TMEM254: variants seen among roughly 807,000 people sequenced by gnomAD.
TMEM254 encodes transmembrane protein 254.
In TMEM254, 16 loss-of-function variants were observed where a neutral mutation model predicts 13.9. The observed-to-expected ratio is 1.15, with a 90% CI of 0.78 to 1.75. The LOEUF (loss-of-function observed/expected upper bound fraction) is 1.75. Among genes scored for constraint, TMEM254 ranks in the 40% most tolerant of loss-of-function variants. The pLI, the probability that TMEM254 is intolerant of heterozygous loss-of-function variation, is 0.00. For synonymous variants in TMEM254, 61 were observed against 56.4 expected (o/e 1.08, Z -0.36); for missense variants, 155 against 149.0 (o/e 1.04, Z -0.21).
chr10:80,088,431 A>ACG (rs1040802879), intron 3 of TMEM254, among the ~76,000 whole-genome samples: 4 of 147,230 alleles, frequency 2.7e-5, no homozygotes, highest in African/African-American at 1.0e-4. Flanking sequence ...TATTTCCATT[A>ACG]TGTTTTTTTT....
At chr10:80,086,497 A>G in intron 3 of TMEM254, 1 of 291,482 alleles carries the variant, frequency 3.4e-6, no homozygotes, top group Non-Finnish European at 6.6e-6. Context: ...TTTCAAAACA[A>G]ACATGTTTGT....
At position 80,091,998 on chromosome 10, in the gene TMEM254, T is replaced by C. The variant is rs1194423722; in HGVS notation, c.*1081T>C. ...TATTCAAAACACAAGCATTTCTGTT[T>C]AGAGATTCTAGCCCATGGGTTATCT... On this transcript the variant is annotated 3_prime_UTR_variant, in exon 4 of 4. Coordinates refer to ENST00000372281, the MANE Select transcript of TMEM254 (RefSeq NM_025125.4). 6.6e-6 allele frequency: 1 copy of C among 152,222 alleles called. No individual in the cohort carries two copies. Among genetic ancestry groups the C allele is most frequent in the African/African-American group, 2.4e-5 (1 of 41,456 alleles). 9.4% of individuals were successfully genotyped at this position (152,222 alleles called of 1,614,324 possible).
In TMEM254 at chr10:80,081,964, T is replaced by C; in HGVS notation, c.191+20T>C. The C allele has an allele frequency of 6.2e-7, 1 of 1,607,474 alleles. No individual in the cohort carries two copies. On this transcript the variant is annotated intron_variant, in intron 2 of 3. Coordinates refer to ENST00000372281, the MANE Select transcript of TMEM254 (RefSeq NM_025125.4). Reference sequence around the variant, plus strand: ...CAATGGGTAAGGAGAGCTGCACAAGTGGACTGTGGACACTGGAGCTCTGGT... The same window carrying C: ...CAATGGGTAAGGAGAGCTGCACAAGCGGACTGTGGACACTGGAGCTCTGGT...
At chr10:80,079,049 G>T in intron 1 of TMEM254, 1 of 1,489,390 alleles carries the variant, frequency 6.7e-7, no homozygotes, top group Non-Finnish European at 9.0e-7. Flanking sequence ...CGGCTGGGGA[G>T]CTCCCAGCCA....
Position 80,092,010 on chromosome 10 carries a change from C to A in TMEM254, c.*1093C>A, listed in dbSNP as rs1285396580. ...AAGCATTTCTGTTTAGAGATTCTAG[C>A]CCATGGGTTATCTGGCTAGTTATTA... On this transcript the variant is annotated 3_prime_UTR_variant, in exon 4 of 4. Transcript: ENST00000372281. 2 of 152,146 alleles carry A rather than the reference C, an allele frequency of 1.3e-5. No individual in the cohort carries two copies. The highest frequency in any genetic ancestry group is 4.8e-5 in the African/African-American group (2 of 41,424). 9.4% of individuals were successfully genotyped at this position (152,146 alleles called of 1,614,324 possible). A position where few individuals can be genotyped will look rare whatever the true frequency, so the allele number is the denominator to read the frequency against.
chr10:80,086,932 A>G (rs560005485), intron 3 of TMEM254, among the ~76,000 whole-genome samples: 45 of 151,558 alleles, frequency 3.0e-4, no homozygotes, highest in Non-Finnish European at 4.7e-4. Flanking sequence ...AATCTCTTTC[A>G]TAATTGGTTT....
At chr10:80,083,677 T>A (rs1844166639) in intron 3 of TMEM254, among the ~76,000 whole-genome samples, 1 of 152,186 alleles carries the variant, frequency 6.6e-6, no homozygotes, top group Non-Finnish European at 1.5e-5. Context: ...AGGGTGCAGT[T>A]GATATCTTCT....
At chr10:80,080,177 G>T (rs564435131) in intron 1 of TMEM254, among the ~76,000 whole-genome samples, 34 of 152,320 alleles carry the variant, frequency 2.2e-4, no homozygotes, top group Admixed American at 5.9e-4. Context: ...CTTCAAATTG[G>T]GATCTTGTGG....
chr10:80,079,723 G>GT (rs1270041682), intron 1 of TMEM254: 13 of 984,792 alleles, frequency 1.3e-5, no homozygotes, highest in Admixed American at 1.2e-4. Context: ...GTAGTTTTGT[G>GT]TTTTTTTGAG....
chr10:80,089,904 C>T lies in TMEM254; in HGVS notation c.252-893C>T, dbSNP rs906514021. ...CCTGTAATCCCAGCTACTCGGGAGG[C>T]TGAGGCAGGAGAATGGCATCAACCC... is the stretch of plus-strand genomic sequence containing the variant. On this transcript the variant is annotated intron_variant, in intron 3 of 3. Transcript: ENST00000372281. 2.6e-5 allele frequency among the ~76,000 whole-genome samples: 4 copies of T among 151,034 alleles called. No individual in the cohort carries two copies. In the Admixed American group the frequency reaches 2.7e-4, roughly 10 times the overall value.
rs1844527306 is a variant in TMEM254 at position 80,090,465 on chromosome 10, A to G, written c.252-332A>G. The G allele has an allele frequency of 9.8e-6, 7 of 716,706 alleles. No homozygotes were observed. In the East Asian group the frequency reaches 1.1e-4, roughly 11 times the overall value. The allele number at this position is 716,706 out of a possible 1,614,324, so 44.4% of individuals were successfully genotyped here. ...CCACGCTAGGATTTATATCTGGTCT[A>G]TTTGCAAAACATTTGCTCTGAAACC... is the stretch of plus-strand genomic sequence containing the variant. On this transcript the variant is annotated intron_variant, in intron 3 of 3. Coordinates refer to ENST00000372281, the MANE Select transcript of TMEM254 (RefSeq NM_025125.4).
Position 80,087,386 on chromosome 10 carries a change from T to C in TMEM254, c.252-3411T>C, listed in dbSNP as rs1589387369. ...GGCTGGGTGTGGTGGCTCACACCTGTAATTCCAGCACTTTGAGAGGCTGAG... is the reference window on the plus strand; with the variant it reads ...GGCTGGGTGTGGTGGCTCACACCTGCAATTCCAGCACTTTGAGAGGCTGAG... On this transcript the variant is annotated intron_variant, in intron 3 of 3. Transcript: ENST00000372281. Among the ~76,000 whole-genome samples, 4 of 152,026 alleles carry C rather than the reference T, an allele frequency of 2.6e-5. No homozygotes were observed. The East Asian group carries it at 5.8e-4, about 22-fold the overall frequency.
chr10:80,081,524 T>G, intron 1 of TMEM254: 1 of 648,968 alleles, frequency 1.5e-6, no homozygotes, highest in Non-Finnish European at 2.6e-6. Flanking sequence ...TAAAAGTAGC[T>G]GGGCATGGTG....
chr10:80,081,940 A>G lies in TMEM254; in HGVS notation c.187A>G (p.Asn63Asp), dbSNP rs148125480. 1 of 1,613,398 alleles carries G rather than the reference A, an allele frequency of 6.2e-7. No individual in the cohort carries two copies. Among genetic ancestry groups the G allele is most frequent in the Admixed American group, 1.7e-5 (1 of 59,992 alleles). Residue 63 changes from asparagine (N) to aspartate (D), a missense_variant, in exon 2 of 4, where the codon AAT becomes GAT. By Grantham distance (23) the Asn-to-Asp change is conservative (BLOSUM62 1). Transcript: ENST00000372281. ...GGACCACCATCACACCCTCCTGTGC[A>G]ATGGGTAAGGAGAGCTGCACAAGTG... ...LVDHHHTLLCNGYWLAWLIHV... is the reference protein window; with the variant it reads ...LVDHHHTLLCDGYWLAWLIHV...
intron 1 of TMEM254, among the ~76,000 whole-genome samples, chr10:80,080,869 C>T (rs532536224): frequency 6.6e-6 from 1 of 152,136 alleles, no homozygotes; most frequent in Non-Finnish European, 1.5e-5. Context: ...CACCTGATGT[C>T]AGGAGTTGGA....
chr10:80,087,700 A>G (rs756787038), intron 3 of TMEM254, among the ~76,000 whole-genome samples: 24 of 152,234 alleles, frequency 1.6e-4, no homozygotes, highest in Middle Eastern at 6.8e-3. Context: ...GTATTGCCAT[A>G]TTGCCTTCAA....
At chr10:80,085,485 T>C (rs541836788) in intron 3 of TMEM254, among the ~76,000 whole-genome samples, 15 of 151,928 alleles carry the variant, frequency 9.9e-5, no homozygotes, top group Admixed American at 9.2e-4. Flanking sequence ...GAGAATCGCT[T>C]GGACCTGGGA....
intron 1 of TMEM254, chr10:80,079,291 T>G (rs1394051455): frequency 1.7e-6 from 2 of 1,208,462 alleles, no homozygotes; most frequent in Non-Finnish European, 2.1e-6. Flanking sequence ...CATCTGACGG[T>G]TGTCTCGGTT....
rs112799752 is a variant in TMEM254, at chr10:80,083,510, G to A, written c.251+1306G>A. Among the ~76,000 whole-genome samples the A allele has an allele frequency of 4.8e-3, 732 of 152,124 alleles. 9 individuals carry two copies. The highest frequency in any genetic ancestry group is 0.017 in the African/African-American group (689 of 41,500). On this transcript the variant is annotated intron_variant, in intron 3 of 3. Coordinates refer to ENST00000372281, the MANE Select transcript of TMEM254 (RefSeq NM_025125.4). Reference sequence around the variant, plus strand: ...TGTAGATCGTTCCCCACCTTCCACCGTATCTCTGGATGGAATTTCAAACAG... The same window carrying A: ...TGTAGATCGTTCCCCACCTTCCACCATATCTCTGGATGGAATTTCAAACAG...
Sources: allele counts gnomAD v4.1 joint callset (sites outside exome capture counted in the v4.1 genomes callset), GRCh38; gene constraint gnomAD v4.1.1; transcripts MANE v1.5; gene names NCBI Gene and HGNC (gene_info 2026-07-23, HGNC 2026-07-21).